The following ACACA variants were observed in gnomAD, a reference collection of about 807,000 sequenced individuals.
ACACA encodes acetyl-CoA carboxylase 1.
ACACA carries 103 observed loss-of-function variants against 296.1 expected under a neutral mutation model. The observed-to-expected ratio is 0.35, with a 90% CI of 0.30 to 0.41. ACACA has a LOEUF of 0.41. ACACA is among the 10% of genes least tolerant of loss of function. The pLI is 1.00. For synonymous variants in ACACA, 953 were observed against 1,038.6 expected, an observed-to-expected ratio of 0.92 and a Z score of 1.58; for missense variants, 1,554 against 2,989.7, an observed-to-expected ratio of 0.52 and a Z score of 11.20.
At chr17:37,144,367 C>G in intron 45 of ACACA, 1 of 453,038 alleles carries the variant, frequency 2.2e-6, no homozygotes. Flanking sequence ...GGCGCTGTCT[C>G]TATCGTAACC....
Position 37,085,691 on chromosome 17 carries a change from C to T in ACACA, c.*1625G>A, listed in dbSNP as rs893496425. 1 of 399,216 alleles carries T rather than the reference C, an allele frequency of 2.5e-6. No homozygotes were observed. Among genetic ancestry groups the T allele is most frequent in the Non-Finnish European group, 4.4e-6 (1 of 226,206 alleles). The allele number at this position is 399,216 out of a possible 1,614,324, so 24.7% of individuals were successfully genotyped here. The stretch of plus-strand genomic sequence containing the variant: ...GGGGGCTGTCCGCTCCATACCCAGC[C>T]ATACAGTGCCCACCTGCAACCCAGA... On this transcript the variant is annotated 3_prime_UTR_variant, in exon 56 of 56. Coordinates refer to ENST00000616317, the MANE Select transcript of ACACA (RefSeq NM_198834.3).
intron 3 of ACACA, among the ~76,000 whole-genome samples, chr17:37,325,350 G>C (rs1479263253): frequency 6.7e-6 from 1 of 148,464 alleles, no homozygotes; most frequent in African/African-American, 2.5e-5. Context: ...TGTACAACAA[G>C]AGTGAAACTC....
At chr17:37,345,969 T>C (rs1272863899) in intron 1 of ACACA, among the ~76,000 whole-genome samples, 2 of 152,012 alleles carry the variant, frequency 1.3e-5, no homozygotes, top group Non-Finnish European at 2.9e-5. Context: ...TCTCAACACT[T>C]TGGGAAGCTT....
intron 45 of ACACA, among the ~76,000 whole-genome samples, chr17:37,135,756 G>C (rs1028531142): frequency 2.0e-5 from 3 of 152,130 alleles, no homozygotes; most frequent in Non-Finnish European, 4.4e-5. Flanking sequence ...AAAAGATAGA[G>C]AGGAGCCACA....
chr17:37,205,829 T>G lies in ACACA; in HGVS notation c.3992A>C (p.Lys1331Thr). Reference protein sequence around the residue: ...EPIHILNVAIKTDCDIEDDRL... With the variant: ...EPIHILNVAITTDCDIEDDRL... ...GTCATCCTCAATATCACAGTCAGTC[T>G]TGATAGCCACATTGAGAATGTGAAT... The change falls in exon 33 of 56, where the codon AAG becomes ACG. Residue 1331 changes from lysine to threonine, a missense_variant. Physicochemically the swap from Lys to Thr is moderately conservative, Grantham distance 78. This residue lies in a region of ACACA where 179 missense variants were observed against 283.2 expected (regional missense o/e 0.63). Coordinates refer to ENST00000616317, the MANE Select transcript of ACACA (RefSeq NM_198834.3). The G allele has an allele frequency of 6.2e-7, 1 of 1,613,642 alleles. No homozygotes were observed. Among genetic ancestry groups the G allele is most frequent in the Non-Finnish European group, 8.5e-7 (1 of 1,179,924 alleles).
chr17:37,204,820 T>C (rs1034170108), intron 33 of ACACA, among the ~76,000 whole-genome samples: 3 of 152,344 alleles, frequency 2.0e-5, no homozygotes, highest in African/African-American at 7.2e-5. Flanking sequence ...GCTGATGATG[T>C]TGAAGCTAAA....
Position 37,381,940 on chromosome 17 carries a change from A to G in ACACA, c.38+24322T>C, listed in dbSNP as rs149071593. Among the ~76,000 whole-genome samples the G allele has an allele frequency of 3.3e-5, 5 of 152,236 alleles. No homozygotes were observed. In the East Asian group the frequency reaches 7.7e-4, roughly 24 times the overall value. On this transcript the variant is annotated intron_variant, in intron 1 of 55. Coordinates refer to ENST00000616317, the MANE Select transcript of ACACA (RefSeq NM_198834.3). The stretch of plus-strand genomic sequence containing the variant: ...CTGCACCCGGCCATGTCTCTTCTAT[A>G]TTCTACTAGCCCCCTATTGATATAT...
At chr17:37,389,851 G>A (rs887363110) in intron 1 of ACACA, among the ~76,000 whole-genome samples, 7 of 151,524 alleles carry the variant, frequency 4.6e-5, no homozygotes, top group Admixed American at 3.3e-4. Flanking sequence ...CTTATGTCAG[G>A]AAATAGGTAG....
intron 25 of ACACA, among the ~76,000 whole-genome samples, chr17:37,230,614 C>G (rs911314868): frequency 2.0e-5 from 3 of 152,138 alleles, no homozygotes; most frequent in Non-Finnish European, 4.4e-5. Flanking sequence ...GACCTAGACA[C>G]AGCATTCAGG....
intron 1 of ACACA, among the ~76,000 whole-genome samples, chr17:37,381,466 G>A (rs1395682014): frequency 2.0e-5 from 3 of 151,818 alleles, no homozygotes; most frequent in South Asian, 2.1e-4. Context: ...GATTACAAGC[G>A]TTAGCCACTG....
At chr17:37,233,285 C>G (rs924771611) in intron 25 of ACACA, among the ~76,000 whole-genome samples, 1 of 152,302 alleles carries the variant, frequency 6.6e-6, no homozygotes, top group African/African-American at 2.4e-5. Context: ...AGCCCTGGCT[C>G]AAAGCTACTC....
chr17:37,267,802 C>T (rs1389158358), intron 10 of ACACA, among the ~76,000 whole-genome samples: 2 of 151,614 alleles, frequency 1.3e-5, no homozygotes, highest in Non-Finnish European at 2.9e-5. Flanking sequence ...GCTCTGTCAC[C>T]CAGACTGGAG....
chr17:37,133,753 A>C (rs1294387605), intron 45 of ACACA, among the ~76,000 whole-genome samples: 1 of 152,176 alleles, frequency 6.6e-6, no homozygotes, highest in Non-Finnish European at 1.5e-5. Context: ...CAAACTTTTA[A>C]TTTATCTGTC....
At chr17:37,337,119 A>G (rs747389625) in intron 2 of ACACA, among the ~76,000 whole-genome samples, 12 of 152,198 alleles carry the variant, frequency 7.9e-5, no homozygotes, top group Non-Finnish European at 1.5e-4. Flanking sequence ...CTATGCTTTC[A>G]CAAGCCCTAA....
In ACACA at chr17:37,185,966, C is replaced by A. The variant is rs887811127; in HGVS notation, c.4776+2311G>T. Reference sequence around the variant, plus strand: ...TCTCCCCATTATGACTGCCTGACATCAGTGTTCATTACAGCCTATACTACA... The same window carrying A: ...TCTCCCCATTATGACTGCCTGACATAAGTGTTCATTACAGCCTATACTACA... On this transcript the variant is annotated intron_variant, in intron 39 of 55. Transcript: ENST00000616317. Among the ~76,000 whole-genome samples, 4 of 152,172 alleles carry A rather than the reference C, an allele frequency of 2.6e-5. 1 individual carries two copies. The highest frequency in any genetic ancestry group is 2.6e-4 in the Admixed American group (4 of 15,278).
chr17:37,319,698 A>C (rs1048023671), intron 3 of ACACA, among the ~76,000 whole-genome samples: 2 of 152,018 alleles, frequency 1.3e-5, no homozygotes, highest in African/African-American at 2.4e-5. Context: ...CACGCCTGTA[A>C]TCCCAGCATT....
chr17:37,391,646 G>T (rs759426583), intron 1 of ACACA: 1 of 1,613,298 alleles, frequency 6.2e-7, no homozygotes, highest in Non-Finnish European at 8.5e-7. Context: ...TCAATCTCTA[G>T]GTTGGACAAG....
intron 1 of ACACA, among the ~76,000 whole-genome samples, chr17:37,347,950 T>C (rs1358805353): frequency 6.6e-6 from 1 of 151,884 alleles, no homozygotes; most frequent in Non-Finnish European, 1.5e-5. Context: ...GGTGGGAGGA[T>C]CACCTGAGGT....
At chr17:37,169,195 C>T (rs1166528422) in intron 41 of ACACA, among the ~76,000 whole-genome samples, 1 of 152,210 alleles carries the variant, frequency 6.6e-6, no homozygotes, top group African/African-American at 2.4e-5. Context: ...AGTTGTGATG[C>T]ACAGTCACTG....
Sources: allele counts gnomAD v4.1 joint callset (sites outside exome capture counted in the v4.1 genomes callset), GRCh38; gene constraint gnomAD v4.1.1; regional missense constraint gnomAD v4.1.1; transcripts MANE v1.5; gene names NCBI Gene and HGNC (gene_info 2026-07-23, HGNC 2026-07-21).